Variants in MYCBP2 observed in about 807,000 individuals in gnomAD.
MYCBP2 encodes E3 ubiquitin-protein ligase MYCBP2.
In MYCBP2, 120 loss-of-function variants were observed where a neutral mutation model predicts 525.3. The ratio of observed to expected loss-of-function variants is 0.23; its 90% CI spans 0.20 to 0.27. The LOEUF is 0.27. Ranked by LOEUF, MYCBP2 falls within the 10% of genes least tolerant of loss-of-function variation. MYCBP2 has a pLI of 1.00. For synonymous variants in MYCBP2, 1,894 were observed against 1,955.8 expected (o/e 0.97, Z 0.83); for missense variants, 4,149 against 5,657.1 (o/e 0.73, Z 8.55).
At chr13:77,091,960 C>T (rs1290611089) in intron 59 of MYCBP2, among the ~76,000 whole-genome samples, 1 of 151,794 alleles carries the variant, frequency 6.6e-6, no homozygotes, top group Admixed American at 6.6e-5. Context: ...AATACTTTAT[C>T]ACTTTTAAAG....
chr13:77,080,105 T>G (rs1007354199), intron 65 of MYCBP2, among the ~76,000 whole-genome samples: 6 of 152,192 alleles, frequency 3.9e-5, no homozygotes, highest in African/African-American at 1.4e-4. Flanking sequence ...ACACTTGACT[T>G]TCCAGTAAGA....
chr13:77,185,339 C>A lies in MYCBP2; in HGVS notation c.4483G>T (p.Ala1495Ser), dbSNP rs1404007376. The change falls in exon 32 of 83, where the codon GCA becomes TCA. Residue 1495 changes from alanine to serine, a missense_variant. Ala to Ser is a moderately conservative substitution (Grantham distance 99). Around this residue, in one of 21 missense-constraint regions of MYCBP2, gnomAD observed 292 missense variants for 330.5 expected, o/e 0.88. Transcript: ENST00000544440. ...GTTCTGGTTTTTCCAATACACTCTGCTAATTTGCTAGTTTCTTCTACAACT... is the reference window on the plus strand; with the variant it reads ...GTTCTGGTTTTTCCAATACACTCTGATAATTTGCTAGTTTCTTCTACAACT... ...KAVVEETSKL[A>S]ECIGKTRTLL... 1 of 1,613,426 alleles carries A rather than the reference C, an allele frequency of 6.2e-7. No individual in the cohort carries two copies. The highest frequency in any genetic ancestry group is 8.5e-7 in the Non-Finnish European group (1 of 1,179,676).
At chr13:77,149,310 C>T (rs573267805) in intron 47 of MYCBP2, among the ~76,000 whole-genome samples, 30 of 152,034 alleles carry the variant, frequency 2.0e-4, no homozygotes, top group Admixed American at 1.8e-3. Flanking sequence ...ATTTGAATCA[C>T]TGCATATTTG....
rs768599088 is a variant in MYCBP2, at chr13:77,257,645, T to G, written c.2176+26A>C. On this transcript the variant is annotated intron_variant, in intron 14 of 82. Transcript: ENST00000544440. ...AACTAATGAAAAGACAACACAAATT[T>G]TAATATCTAAGAATTAAAGACCTAC... is the stretch of plus-strand genomic sequence containing the variant. 2.6e-6 allele frequency: 4 copies of G among 1,510,310 alleles called. No individual in the cohort carries two copies. In the East Asian group the frequency reaches 7.1e-5, roughly 27 times the overall value. 93.6% of individuals were successfully genotyped at this position (1,510,310 alleles called of 1,614,324 possible).
intron 51 of MYCBP2, 45 bp from the exon 52 acceptor site, chr13:77,139,381 C>T: frequency 6.3e-7 from 1 of 1,591,310 alleles, no homozygotes; most frequent in Middle Eastern, 1.7e-4. Flanking sequence ...TCCTGTAAGT[C>T]CTATGAGGCT....
intron 1 of MYCBP2, among the ~76,000 whole-genome samples, chr13:77,309,738 C>T (rs1376482621): frequency 1.3e-5 from 2 of 152,188 alleles, no homozygotes; most frequent in African/African-American, 4.8e-5. Context: ...TGCAGATCTG[C>T]TCCTTTTCAT....
intron 55 of MYCBP2, among the ~76,000 whole-genome samples, chr13:77,115,295 T>A (rs9573997): frequency 0.57 from 86,924 of 151,666 alleles, 28,204 homozygotes; most frequent in Non-Finnish European, 0.73. Context: ...CAGATATCAT[T>A]CTCCACTTTG....
Position 77,243,100 on chromosome 13 carries a change from C to T in MYCBP2, c.2588G>A (p.Arg863Gln), listed in dbSNP as rs1420212869. The T allele has an allele frequency of 5.0e-6, 8 of 1,614,006 alleles. No homozygotes were observed. The highest frequency in any genetic ancestry group is 3.3e-5 in the Admixed American group (2 of 60,000). The part of the protein sequence containing the change: ...EHLQLRQEEK[R>Q]QRVIRRHRLE... ...TCTGTGCCTTCTGATTACACGTTGC[C>T]GTTTTTCTTCTTGTCGTAACTGAAG... The change falls in exon 17 of 83, where the codon CGG (arginine) becomes CAG (glutamine). Residue 863 changes from arginine to glutamine, a missense_variant. This residue lies in a region of MYCBP2 where 620 missense variants were observed against 795.5 expected (regional missense o/e 0.78). Coordinates refer to ENST00000544440, the MANE Select transcript of MYCBP2 (RefSeq NM_015057.5).
At chr13:77,104,105 ACT>A (rs534629949) in intron 55 of MYCBP2, among the ~76,000 whole-genome samples, 44 of 152,214 alleles carry the variant, frequency 2.9e-4, no homozygotes, top group African/African-American at 1.1e-3. Flanking sequence ...ATTTAAAAAA[ACT>A]CACTGTATTT....
In MYCBP2 at chr13:77,177,858, G is replaced by A; in HGVS notation, c.5230C>T (p.Pro1744Ser). 3 of 1,613,834 alleles carry A rather than the reference G, an allele frequency of 1.9e-6. No individual in the cohort carries two copies. Among genetic ancestry groups the A allele is most frequent in the Non-Finnish European group, 2.5e-6 (3 of 1,179,780 alleles). Residue 1744 changes from proline (P) to serine (S), a missense_variant, in exon 35 of 83, where the codon CCT becomes TCT. Coordinates refer to ENST00000544440, the MANE Select transcript of MYCBP2 (RefSeq NM_015057.5). The stretch of plus-strand genomic sequence containing the variant: ...TCTACTGAAAAACAGATTGCATCAG[G>A]GGACCCGTTCCCAGTGTTCCAACTT... ...GRSWNTGNGS[P>S]DAICFSVDKP...
chr13:77,294,118 ATATATATATAT>A (rs2077847061), intron 2 of MYCBP2, among the ~76,000 whole-genome samples: 1 of 61,602 alleles, frequency 1.6e-5, no homozygotes, highest in Non-Finnish European at 4.0e-5. Flanking sequence ...ATATATATAT[ATATATATATAT>A]ACATATATAT....
chr13:77,184,346 A>G (rs2060531491), intron 32 of MYCBP2, among the ~76,000 whole-genome samples: 1 of 152,220 alleles, frequency 6.6e-6, no homozygotes, highest in African/African-American at 2.4e-5. Context: ...GTCTGAAAAT[A>G]TATTCTTTCA....
intron 30 of MYCBP2, among the ~76,000 whole-genome samples, chr13:77,187,434 T>C (rs1431731077): frequency 6.6e-6 from 1 of 152,228 alleles, no homozygotes; most frequent in Non-Finnish European, 1.5e-5. Flanking sequence ...AATGGGCATA[T>C]TTCCAGTAGA....
chr13:77,183,570 T>TTTTTC (rs2060443093), intron 32 of MYCBP2, among the ~76,000 whole-genome samples: 1 of 137,460 alleles, frequency 7.3e-6, no homozygotes, highest in Non-Finnish European at 1.6e-5. Context: ...TTTTTTTTTT[T>TTTTTC]GAGATGGAGT....
intron 1 of MYCBP2, among the ~76,000 whole-genome samples, chr13:77,301,540 T>G (rs1384388884): frequency 6.6e-6 from 1 of 151,990 alleles, no homozygotes; most frequent in Admixed American, 6.6e-5. Flanking sequence ...CTCACTGGAT[T>G]GAGATAATCA....
At chr13:77,075,681 G>C (rs2042170342) in intron 68 of MYCBP2, 1 of 152,066 alleles carries the variant, frequency 6.6e-6, no homozygotes, top group East Asian at 1.9e-4. Flanking sequence ...TTTTGGGGGG[G>C]GTGAGGGGAA....
At position 77,211,164 on chromosome 13, in the gene MYCBP2, T is replaced by A; in HGVS notation, c.3416+3A>T. On this transcript the variant is annotated splice_donor_region_variant and intron_variant, in intron 23 of 82. Transcript: ENST00000544440. Reference sequence around the variant, plus strand: ...TGACTATTTTATAAACTGAGATGCTTACCTCCAAATTACATCATATACAGG... The same window carrying A: ...TGACTATTTTATAAACTGAGATGCTAACCTCCAAATTACATCATATACAGG... The A allele has an allele frequency of 7.0e-7, 1 of 1,434,150 alleles. No homozygotes were observed. The highest frequency in any genetic ancestry group is 9.2e-7 in the Non-Finnish European group (1 of 1,088,198). 88.8% of individuals were successfully genotyped at this position (1,434,150 alleles called of 1,614,324 possible).
intron 21 of MYCBP2, among the ~76,000 whole-genome samples, chr13:77,214,739 C>T (rs2064563113): frequency 6.6e-6 from 1 of 152,128 alleles, no homozygotes; most frequent in South Asian, 2.1e-4. Context: ...TAGCCTATTG[C>T]TCCTAGGCTA....
chr13:77,142,974 C>T lies in MYCBP2; in HGVS notation c.7303+1471G>A, dbSNP rs563816782. 3.9e-5 allele frequency among the ~76,000 whole-genome samples: 6 copies of T among 152,130 alleles called. No homozygotes were observed. The East Asian group carries it at 5.8e-4, about 15-fold the overall frequency. On this transcript the variant is annotated intron_variant, in intron 49 of 82. Coordinates refer to ENST00000544440, the MANE Select transcript of MYCBP2 (RefSeq NM_015057.5). ...AGATACTCATCCCAAACCAGGTTTT[C>T]GAAATTTATCTGATCACAGAAACCC...
Sources: gnomAD v4.1 joint callset for allele counts (sites outside exome capture counted in the v4.1 genomes callset) on GRCh38, gnomAD v4.1.1 for gene constraint, gnomAD v4.1.1 regional missense constraint, MANE v1.5 for transcripts, NCBI Gene and HGNC (gene_info 2026-07-23, HGNC 2026-07-21) for gene names.